RANBP17: variants seen among roughly 807,000 people sequenced by gnomAD.
RANBP17 encodes RAN binding protein 17, also known as ran-binding protein 17.
RANBP17 carries 158 observed loss-of-function variants against 141.2 expected under a neutral mutation model. The ratio of observed to expected loss-of-function variants is 1.12; its 90% CI spans 0.98 to 1.28. RANBP17 has a LOEUF of 1.28. Among genes scored for constraint, RANBP17 ranks in the 50% most tolerant of loss-of-function variants. RANBP17 has a pLI of 0.00. For synonymous variants in RANBP17, 430 were observed against 450.0 expected, an observed-to-expected ratio of 0.96 and a Z score of 0.56; for missense variants, 1,438 against 1,290.7, an observed-to-expected ratio of 1.11 and a Z score of -1.75.
At chr5:170,998,346 A>G (rs547814646) in intron 14 of RANBP17, among the ~76,000 whole-genome samples, 2 of 152,298 alleles carry the variant, frequency 1.3e-5, no homozygotes, top group South Asian at 2.1e-4. Flanking sequence ...TCACTTTGGC[A>G]TGGAGCTATT....
At chr5:170,916,777 G>A (rs377273566) in intron 9 of RANBP17, among the ~76,000 whole-genome samples, 193 bp downstream of exon 9, 1 of 149,548 alleles carries the variant, frequency 6.7e-6, no homozygotes. Context: ...GTGCAGTGGT[G>A]CAATCTTGGC....
intron 1 of RANBP17, among the ~76,000 whole-genome samples, chr5:170,866,469 A>G (rs973450038): frequency 6.6e-6 from 1 of 152,066 alleles, no homozygotes; most frequent in Non-Finnish European, 1.5e-5. Context: ...AGGTCACGAA[A>G]TCGAGACCAT....
At chr5:170,904,019 T>C (rs762052036) in intron 5 of RANBP17, 1 of 478,224 alleles carries the variant, frequency 2.1e-6, no homozygotes, top group Non-Finnish European at 4.1e-6. Flanking sequence ...CAAATGCCTT[T>C]AGTAAAGATC....
intron 18 of RANBP17, among the ~76,000 whole-genome samples, chr5:171,188,804 CTG>C (rs889697171): frequency 1.3e-5 from 2 of 152,210 alleles, no homozygotes; most frequent in Non-Finnish European, 2.9e-5. Flanking sequence ...AGCCCCAACT[CTG>C]TATTCTCAGT....
Position 171,180,345 on chromosome 5 carries a change from G to A in RANBP17, c.1866-2822G>A, listed in dbSNP as rs1247750686. ...AGTCAGACAGATCTGGATTTGAATC[G>A]TGACTCTTCTGTTGACATGTTCCAT... On this transcript the variant is annotated intron_variant, in intron 16 of 27. Coordinates refer to ENST00000523189, the MANE Select transcript of RANBP17 (RefSeq NM_022897.5). Among the ~76,000 whole-genome samples, 4 of 152,252 alleles carry A rather than the reference G, an allele frequency of 2.6e-5. No homozygotes were observed. In the East Asian group the frequency reaches 7.7e-4, roughly 29 times the overall value.
At chr5:170,968,158 A>C in intron 13 of RANBP17, 84 bp from the exon 14 acceptor site, 2 of 965,424 alleles carry the variant, frequency 2.1e-6, no homozygotes, top group Non-Finnish European at 3.0e-6. Flanking sequence ...ATTATATGTT[A>C]TATTACATTT....
At chr5:171,092,431 T>C (rs1348374702) in intron 14 of RANBP17, among the ~76,000 whole-genome samples, 6 of 152,212 alleles carry the variant, frequency 3.9e-5, no homozygotes, top group African/African-American at 7.2e-5. Context: ...ACTTCCCTAA[T>C]ATATAGTCAC....
intron 12 of RANBP17, among the ~76,000 whole-genome samples, chr5:170,933,669 G>A (rs181400953): frequency 2.0e-5 from 3 of 152,170 alleles, no homozygotes; most frequent in East Asian, 1.9e-4. Flanking sequence ...ATTTCGTTAT[G>A]TACCCAGTAG....
At chr5:171,098,499 GT>G (rs1476005283) in intron 14 of RANBP17, among the ~76,000 whole-genome samples, 1 of 151,964 alleles carries the variant, frequency 6.6e-6, no homozygotes, top group Non-Finnish European at 1.5e-5. Context: ...TTTTTTTCTT[GT>G]AAATTTGTTT....
intron 14 of RANBP17, among the ~76,000 whole-genome samples, chr5:171,156,180 A>G (rs1758881467): frequency 6.6e-6 from 1 of 152,088 alleles, no homozygotes; most frequent in African/African-American, 2.4e-5. Context: ...TACAAGTACT[A>G]TATTATATTC....
rs1581137270 is a variant in RANBP17 at position 170,916,174 on chromosome 5, T to C, written c.835-291T>C. 2.6e-5 allele frequency among the ~76,000 whole-genome samples: 2 copies of C among 77,330 alleles called. 1 individual carries two copies. The highest frequency in any genetic ancestry group is 7.4e-5 in the African/African-American group (2 of 26,874). The allele number at this position is 77,330 out of a possible 152,430, so 50.7% of individuals were successfully genotyped here. A position where few individuals can be genotyped will look rare whatever the true frequency, so the allele number is the denominator to read the frequency against. On this transcript the variant is annotated intron_variant, in intron 8 of 27. Transcript: ENST00000523189. ...CATTATAATGCGTTATATTCTATAT[T>C]GCATTATAATGCGTTATATTCTATA... is the stretch of plus-strand genomic sequence containing the variant.
At chr5:171,219,831 T>C (rs1226636505) in intron 21 of RANBP17, among the ~76,000 whole-genome samples, 1 of 152,042 alleles carries the variant, frequency 6.6e-6, no homozygotes, top group Non-Finnish European at 1.5e-5. Context: ...TGCATTGGGT[T>C]AGAACATGCT....
At chr5:171,102,892 A>G (rs1488040766) in intron 14 of RANBP17, among the ~76,000 whole-genome samples, 4 of 151,996 alleles carry the variant, frequency 2.6e-5, no homozygotes, top group Non-Finnish European at 5.9e-5. Flanking sequence ...CTGGGGGCCC[A>G]CACCAGACCC....
chr5:170,918,383 G>A (rs1240290801), intron 9 of RANBP17: 1 of 152,382 alleles, frequency 6.6e-6, no homozygotes, highest in Admixed American at 7.1e-5. Flanking sequence ...GTCCTTTGTT[G>A]ACTTCTGTTT....
At chr5:171,121,799 A>G (rs1756055041) in intron 14 of RANBP17, among the ~76,000 whole-genome samples, 1 of 152,078 alleles carries the variant, frequency 6.6e-6, no homozygotes, top group Non-Finnish European at 1.5e-5. Context: ...AGTGCTGGAT[A>G]AGTGCAATAG....
intron 14 of RANBP17, among the ~76,000 whole-genome samples, chr5:171,116,276 A>AT (rs57099196): frequency 0.014 from 2,097 of 147,730 alleles, 43 homozygotes; most frequent in African/African-American, 0.046. Context: ...AGATACTGTG[A>AT]TTTTTTTTTT....
At chr5:171,282,655 T>C (rs1767926474) in intron 25 of RANBP17, among the ~76,000 whole-genome samples, 1 of 152,078 alleles carries the variant, frequency 6.6e-6, no homozygotes, top group African/African-American at 2.4e-5. Flanking sequence ...ATTTTTTGTA[T>C]TTTTAGTAGA....
chr5:171,073,349 A>T (rs1216852077), intron 14 of RANBP17, among the ~76,000 whole-genome samples: 1 of 152,178 alleles, frequency 6.6e-6, no homozygotes, highest in East Asian at 1.9e-4. Flanking sequence ...AAAGACAAAA[A>T]CATTGAACTC....
At chr5:171,149,689 T>C (rs1257229711) in intron 14 of RANBP17, among the ~76,000 whole-genome samples, 1 of 152,256 alleles carries the variant, frequency 6.6e-6, no homozygotes, top group African/African-American at 2.4e-5. Flanking sequence ...AGTTTGCATC[T>C]ATCTATATTA....
Sources: allele counts gnomAD v4.1 joint callset (sites outside exome capture counted in the v4.1 genomes callset), GRCh38; gene constraint gnomAD v4.1.1; transcripts MANE v1.5; gene names NCBI Gene and HGNC (gene_info 2026-07-23, HGNC 2026-07-21).